The following GNAQ variants were observed in gnomAD, a reference collection of about 807,000 sequenced individuals.
The protein encoded by GNAQ is guanine nucleotide-binding protein G(q) subunit alpha.
In GNAQ, 8 loss-of-function variants were observed where a neutral mutation model predicts 43.9. The observed-to-expected ratio is 0.18, with a 90% CI of 0.11 to 0.33. The LOEUF is 0.33. Ranked by LOEUF, GNAQ falls within the 10% of genes least tolerant of loss-of-function variation. The probability of loss-of-function intolerance (pLI) is 1.00; values close to 1 mark genes in which losing one functional copy is unlikely to be tolerated. For synonymous variants in GNAQ, 155 were observed against 170.7 expected, an observed-to-expected ratio of 0.91 and a Z score of 0.71; for missense variants, 158 against 450.8, an observed-to-expected ratio of 0.35 and a Z score of 5.88.
intron 4 of GNAQ, among the ~76,000 whole-genome samples, chr9:77,797,118 C>T (rs939041639): frequency 1.3e-5 from 2 of 152,026 alleles, no homozygotes; most frequent in Non-Finnish European, 2.9e-5. Context: ...TTGCAACCTT[C>T]GCCTCCTGGG....
intron 4 of GNAQ, among the ~76,000 whole-genome samples, chr9:77,797,079 C>A (rs546120553): frequency 6.6e-6 from 1 of 152,108 alleles, no homozygotes; most frequent in Non-Finnish European, 1.5e-5. Context: ...GTAACCCAGG[C>A]TGGAGTGCAG....
intron 3 of GNAQ, among the ~76,000 whole-genome samples, chr9:77,802,532 T>C (rs1216848905): frequency 1.3e-5 from 2 of 152,166 alleles, no homozygotes; most frequent in Non-Finnish European, 2.9e-5. Flanking sequence ...CATGTTAAAT[T>C]ATTCCATTCA....
chr9:77,988,741 T>C (rs978350132), intron 1 of GNAQ, among the ~76,000 whole-genome samples: 2 of 152,226 alleles, frequency 1.3e-5, no homozygotes, highest in African/African-American at 4.8e-5. Context: ...ACACATGTTA[T>C]AAAAGGTCAA....
At chr9:77,973,437 G>A (rs1333090794) in intron 1 of GNAQ, among the ~76,000 whole-genome samples, 4 of 152,198 alleles carry the variant, frequency 2.6e-5, no homozygotes, top group Non-Finnish European at 5.9e-5. Context: ...TATGGAAAAT[G>A]CTGTCAGCAG....
chr9:77,987,268 C>A (rs781581482), intron 1 of GNAQ, among the ~76,000 whole-genome samples: 1 of 151,994 alleles, frequency 6.6e-6, no homozygotes, highest in Non-Finnish European at 1.5e-5. Flanking sequence ...TTTGGGTCTG[C>A]AGAGTCATTG....
intron 5 of GNAQ, among the ~76,000 whole-genome samples, chr9:77,766,145 C>A (rs1826133396): frequency 6.6e-6 from 1 of 152,094 alleles, no homozygotes; most frequent in Non-Finnish European, 1.5e-5. Context: ...TGTAGTGATA[C>A]CTGCACAATA....
At chr9:78,022,358 G>T (rs1823921511) in intron 1 of GNAQ, among the ~76,000 whole-genome samples, 1 of 152,124 alleles carries the variant, frequency 6.6e-6, no homozygotes, top group Non-Finnish European at 1.5e-5. Flanking sequence ...TCATTCTACA[G>T]GTTTTTATAG....
intron 4 of GNAQ, among the ~76,000 whole-genome samples, chr9:77,796,577 G>A (rs1026988667): frequency 3.3e-5 from 5 of 152,166 alleles, no homozygotes; most frequent in Non-Finnish European, 5.9e-5. Context: ...TTCTGCTGAA[G>A]TATTATCCAG....
At chr9:77,980,801 T>C (rs573061609) in intron 1 of GNAQ, among the ~76,000 whole-genome samples, 54 of 152,324 alleles carry the variant, frequency 3.5e-4, no homozygotes, top group Admixed American at 1.4e-3. Context: ...ACTCCCACAC[T>C]TTGATACATA....
rs769784078 is a variant in GNAQ at position 77,924,884 on chromosome 9, A to T, written c.137-2539T>A. On this transcript the variant is annotated intron_variant, in intron 1 of 6. Transcript: ENST00000286548. ...GCTGGGTACCCCCAGGAGGCTGACC[A>T]ATAGGGATTTCAACAGCTTTGTTAT... is the stretch of plus-strand genomic sequence containing the variant. Among the ~76,000 whole-genome samples the T allele has an allele frequency of 5.9e-5, 9 of 151,984 alleles. 1 individual carries two copies. The highest frequency in any genetic ancestry group is 1.5e-5 in the Non-Finnish European group (1 of 67,996).
intron 2 of GNAQ, among the ~76,000 whole-genome samples, chr9:77,837,923 A>G (rs988777629): frequency 7.2e-6 from 1 of 139,154 alleles, no homozygotes; most frequent in Non-Finnish European, 1.5e-5. Context: ...ATCTCGGCTC[A>G]CTGCAACCAC....
intron 1 of GNAQ, among the ~76,000 whole-genome samples, chr9:77,973,015 A>G (rs990306646): frequency 4.2e-5 from 3 of 71,306 alleles, no homozygotes; most frequent in Non-Finnish European, 6.0e-5. Flanking sequence ...AAAAGAAAGG[A>G]AAAAAAAAAA....
chr9:77,935,582 A>T (rs1404035299), intron 1 of GNAQ, among the ~76,000 whole-genome samples: 1 of 152,122 alleles, frequency 6.6e-6, no homozygotes, highest in Non-Finnish European at 1.5e-5. Context: ...GGTTATAATT[A>T]CTCCAAAGCA....
chr9:77,738,444 A>G (rs1349118707), intron 5 of GNAQ, among the ~76,000 whole-genome samples: 2 of 152,228 alleles, frequency 1.3e-5, no homozygotes, highest in African/African-American at 2.4e-5. Context: ...CATAAAATTA[A>G]TATGTGGTCA....
At chr9:77,991,529 C>T (rs950403784) in intron 1 of GNAQ, among the ~76,000 whole-genome samples, 2 of 152,160 alleles carry the variant, frequency 1.3e-5, no homozygotes, top group African/African-American at 4.8e-5. Context: ...CTCATTCCTT[C>T]TTCAACTCCT....
At chr9:77,756,769 G>A (rs1825910174) in intron 5 of GNAQ, among the ~76,000 whole-genome samples, 1 of 152,200 alleles carries the variant, frequency 6.6e-6, no homozygotes. Flanking sequence ...TACTTAGAAG[G>A]ATATGGTAGC....
chr9:77,912,590 C>G (rs961579378), intron 2 of GNAQ, among the ~76,000 whole-genome samples: 2 of 151,912 alleles, frequency 1.3e-5, no homozygotes, highest in Admixed American at 6.6e-5. Context: ...CTGAAAGAAC[C>G]ATTAAGAAAA....
At chr9:78,001,309 G>A (rs977331649) in intron 1 of GNAQ, among the ~76,000 whole-genome samples, 8 of 152,106 alleles carry the variant, frequency 5.3e-5, no homozygotes, top group Non-Finnish European at 7.4e-5. Context: ...GCTGAGGTGG[G>A]AGGATTGCTT....
intron 3 of GNAQ, among the ~76,000 whole-genome samples, chr9:77,804,543 A>G (rs1174597253): frequency 6.6e-6 from 1 of 152,210 alleles, no homozygotes; most frequent in Non-Finnish European, 1.5e-5. Context: ...AGTTAGAGGC[A>G]TACAACCCTC....
Sources: gnomAD v4.1 joint callset for allele counts (sites outside exome capture counted in the v4.1 genomes callset) on GRCh38, gnomAD v4.1.1 for gene constraint, MANE v1.5 for transcripts, NCBI Gene and HGNC (gene_info 2026-07-23, HGNC 2026-07-21) for gene names.